Variants in ZNF629 observed in about 807,000 individuals in gnomAD.
The protein encoded by ZNF629 is zinc finger protein 629, also known as DNA-binding protein.
Under a neutral mutation model 59.7 loss-of-function variants are expected in ZNF629, and 9 were observed. That is an observed-to-expected ratio of 0.15 (90% CI 0.09 to 0.26). The LOEUF is 0.26. Ranked by LOEUF, ZNF629 falls within the 10% of genes least tolerant of loss-of-function variation. ZNF629 has a pLI of 1.00. For synonymous variants in ZNF629, 509 were observed against 498.9 expected, an observed-to-expected ratio of 1.02 and a Z score of -0.27; for missense variants, 853 against 1,165.4, an observed-to-expected ratio of 0.73 and a Z score of 3.90.
At position 30,783,532 on chromosome 16, in the gene ZNF629, C is replaced by G. The variant is rs373186496; in HGVS notation, c.796G>C (p.Glu266Gln). The change falls in exon 3 of 3, where the codon GAG becomes CAG. Residue 266 changes from glutamate to glutamine, a missense_variant. Around this residue, in one of 3 missense-constraint regions of ZNF629, gnomAD observed 201 missense variants for 536.5 expected, o/e 0.37. Coordinates refer to ENST00000262525, the MANE Select transcript of ZNF629 (RefSeq NM_001080417.3). ...HTGEKPYKCGECRRAFYRSSD... is the reference protein window; with the variant it reads ...HTGEKPYKCGQCRRAFYRSSD... ...CTGCGGTAGAAAGCCCGGCGGCACT[C>G]GCCGCACTTGTAGGGCTTCTCGCCG... 1 of 1,614,014 alleles carries G rather than the reference C, an allele frequency of 6.2e-7. No individual in the cohort carries two copies. Among genetic ancestry groups the G allele is most frequent in the South Asian group, 1.1e-5 (1 of 91,070 alleles).
At chr16:30,784,310 G>T in intron 2 of ZNF629, 56 bp from the exon 3 acceptor site, 1 of 1,557,866 alleles carries the variant, frequency 6.4e-7, no homozygotes, top group Non-Finnish European at 8.6e-7. Flanking sequence ...ACGGGGTTTG[G>T]TCTCTCTTCC....
At position 30,782,463 on chromosome 16, in the gene ZNF629, C is replaced by T. The variant is rs758603335; in HGVS notation, c.1865G>A (p.Arg622Lys). 3.8e-6 allele frequency: 6 copies of T among 1,568,086 alleles called. No individual in the cohort carries two copies. Among genetic ancestry groups the T allele is most frequent in the Non-Finnish European group, 3.5e-6 (4 of 1,156,024 alleles). Residue 622 changes from arginine (R) to lysine (K), a missense_variant, in exon 3 of 3, where the codon AGA (arginine) becomes AAA (lysine). Coordinates refer to ENST00000262525, the MANE Select transcript of ZNF629 (RefSeq NM_001080417.3). ...PQLRSPRLPFRGNSYPGAAEG... is the reference protein window; with the variant it reads ...PQLRSPRLPFKGNSYPGAAEG... ...CGCAGCCCCGGGGTAGGAATTCCCTCTGAAAGGGAGCCTTGGGGATCGTAA... is the reference window on the plus strand; with the variant it reads ...CGCAGCCCCGGGGTAGGAATTCCCTTTGAAAGGGAGCCTTGGGGATCGTAA...
Position 30,782,130 on chromosome 16 carries a change from T to C in ZNF629, c.2198A>G (p.Gln733Arg). 6.2e-7 allele frequency: 1 copy of C among 1,611,694 alleles called. No individual in the cohort carries two copies. The highest frequency in any genetic ancestry group is 8.5e-7 in the Non-Finnish European group (1 of 1,179,170). ...GCTCTTCCCGCCTGCATGGACTTTCTGGTGCAGCAGCAGCTCAGAGCTGAG... is the reference window on the plus strand; with the variant it reads ...GCTCTTCCCGCCTGCATGGACTTTCCGGTGCAGCAGCAGCTCAGAGCTGAG... ...FGLSSELLLH[Q>R]KVHAGGKSSQ... The change falls in exon 3 of 3, where the codon CAG (glutamine) becomes CGG (arginine). Residue 733 changes from glutamine (Q) to arginine (R), a missense_variant. Physicochemically the swap from Gln to Arg is conservative, Grantham distance 43. Transcript: ENST00000262525.
Position 30,784,271 on chromosome 16 carries a change from A to C in ZNF629, c.74-17T>G, listed in dbSNP as rs767711389. The stretch of plus-strand genomic sequence containing the variant: ...TCTCGGCACCTACAGAAAGAAAGGG[A>C]GTCTACAGCCCCCAGCCCCTTTCAG... On this transcript the variant is annotated splice_polypyrimidine_tract_variant and intron_variant, in intron 2 of 2. Coordinates refer to ENST00000262525, the MANE Select transcript of ZNF629 (RefSeq NM_001080417.3). 6.3e-7 allele frequency: 1 copy of C among 1,585,808 alleles called. No homozygotes were observed. The highest frequency in any genetic ancestry group is 2.3e-5 in the East Asian group (1 of 44,146).
In ZNF629 at chr16:30,782,040, AG is replaced by A; in HGVS notation, c.2287del (p.Leu763TrpfsTer74). On this transcript the variant is annotated frameshift_variant, in exon 3 of 3. Transcript: ENST00000262525. LOFTEE classifies it low-confidence loss of function (END_TRUNC). ...TGAGCAGCGGTAGGGTCTGGCCCCC[AG>A]GGGGCTCCTGAGATGCTCCAGGAGG... is the stretch of plus-strand genomic sequence containing the variant. ...SVLLEHLRSP[L>X]GARPYRCSDC... 1 of 1,573,264 alleles carries A rather than the reference AG, an allele frequency of 6.4e-7. No homozygotes were observed. The highest frequency in any genetic ancestry group is 8.6e-7 in the Non-Finnish European group (1 of 1,159,480).
Position 30,782,191 on chromosome 16 carries a change from G to T in ZNF629, c.2137C>A (p.Pro713Thr). The T allele has an allele frequency of 6.2e-7, 1 of 1,613,584 alleles. No homozygotes were observed. Among genetic ancestry groups the T allele is most frequent in the Non-Finnish European group, 8.5e-7 (1 of 1,179,880 alleles). The change falls in exon 3 of 3, where the codon CCC becomes ACC. Residue 713 changes from proline to threonine, a missense_variant. Pro to Thr is a conservative substitution (Grantham distance 38). This residue lies in a region of ZNF629 where 420 missense variants were observed against 435.6 expected (regional missense o/e 0.96). Transcript: ENST00000262525. ...AGPSPFLSGK[P>T]FKCPECKQSF... is the part of the protein sequence containing the mutation. ...TGTTTGCATTCAGGGCATTTAAAGG[G>T]CTTCCCACTTAAGAAGGGGCTGGGC...
chr16:30,787,001 C>G (rs2054340264), intron 1 of ZNF629, 27 bp downstream of exon 1: 6 of 152,502 alleles, frequency 3.9e-5, no homozygotes, highest in Admixed American at 3.9e-4. Flanking sequence ...AGGCCACCCC[C>G]CGGGAACCCA....
In ZNF629 at chr16:30,781,928, G is replaced by A. The variant is rs759328129; in HGVS notation, c.2400C>T (p.Asp800=). The A allele has an allele frequency of 1.3e-6, 2 of 1,536,236 alleles. No individual in the cohort carries two copies. Among genetic ancestry groups the A allele is most frequent in the Non-Finnish European group, 1.8e-6 (2 of 1,141,584 alleles). The change falls in exon 3 of 3, where the codon GAC becomes GAT. Residue 800 remains aspartate (D), a synonymous_variant. Transcript: ENST00000262525. ...ACAGGGTGACTGCCTCTGGAGGGGG[G>A]TCCTCGGGATTGGGGGGTTTTTCCT... is the stretch of plus-strand genomic sequence containing the variant. ...HTQEKPPNPE[D]PPPEAVTLST...
At position 30,782,891 on chromosome 16, in the gene ZNF629, C is replaced by T. The variant is rs774768531; in HGVS notation, c.1437G>A (p.Thr479=). The T allele has an allele frequency of 5.6e-6, 9 of 1,611,346 alleles. No homozygotes were observed. Among genetic ancestry groups the T allele is most frequent in the Non-Finnish European group, 7.6e-6 (9 of 1,179,080 alleles). ...ACTTGTAGGGCTTCTCGCCGGTGTG[C>T]GTGCGGCGGTGCTGGATAAGGTGGG... ...RSSHLIQHRR[T]HTGEKPYKCP... is the part of the protein sequence containing the mutation. The change falls in exon 3 of 3, where the codon ACG becomes ACA. Residue 479 remains threonine (T), a synonymous_variant. Coordinates refer to ENST00000262525, the MANE Select transcript of ZNF629 (RefSeq NM_001080417.3).
chr16:30,782,542 G>A lies in ZNF629; in HGVS notation c.1786C>T (p.Pro596Ser), dbSNP rs1354353244. Residue 596 changes from proline to serine, a missense_variant, in exon 3 of 3, where the codon CCC becomes TCC. By Grantham distance (74) the Pro-to-Ser change is moderately conservative. Around this residue, in one of 3 missense-constraint regions of ZNF629, gnomAD observed 420 missense variants for 435.6 expected, o/e 0.96. Transcript: ENST00000262525. The part of the protein sequence containing the change: ...QHQRIHIGEN[P>S]YKNADGLIAH... ...ATGAGGCCGTCTGCATTTTTGTAGG[G>A]GTTTTCTCCGATGTGGATCCTCTGA... 6.4e-7 allele frequency: 1 copy of A among 1,560,244 alleles called. No individual in the cohort carries two copies. The highest frequency in any genetic ancestry group is 1.2e-5 in the South Asian group (1 of 85,000).
Position 30,782,458 on chromosome 16 carries a change from T to G in ZNF629, c.1870A>C (p.Asn624His), listed in dbSNP as rs1307357653. ...CCCTCCGCAGCCCCGGGGTAGGAATTCCCTCTGAAAGGGAGCCTTGGGGAT... is the reference window on the plus strand; with the variant it reads ...CCCTCCGCAGCCCCGGGGTAGGAATGCCCTCTGAAAGGGAGCCTTGGGGAT... ...LRSPRLPFRG[N>H]SYPGAAEGRA... The change falls in exon 3 of 3, where the codon AAT (asparagine) becomes CAT (histidine). Residue 624 changes from asparagine to histidine, a missense_variant. Asn to His is a moderately conservative substitution (Grantham distance 68). Around this residue, in one of 3 missense-constraint regions of ZNF629, gnomAD observed 420 missense variants for 435.6 expected, o/e 0.96. Transcript: ENST00000262525. 1.9e-6 allele frequency: 3 copies of G among 1,567,902 alleles called. No individual in the cohort carries two copies. The South Asian group carries it at 3.5e-5, about 18-fold the overall frequency.
At chr16:30,784,327 C>G (rs536356375) in intron 2 of ZNF629, 73 bp from the exon 3 acceptor site, 2 of 1,548,036 alleles carry the variant, frequency 1.3e-6, no homozygotes, top group East Asian at 4.8e-5. Context: ...TTCCCTCCCC[C>G]GGGTGTCCCC....
At position 30,782,885 on chromosome 16, in the gene ZNF629, G is replaced by A. The variant is rs1321806008; in HGVS notation, c.1443C>T (p.Thr481=). ...CGGGGCACTTGTAGGGCTTCTCGCC[G>A]GTGTGCGTGCGGCGGTGCTGGATAA... ...SHLIQHRRTH[T]GEKPYKCPEC... The change falls in exon 3 of 3, where the codon ACC becomes ACT. Residue 481 remains threonine, a synonymous_variant. Coordinates refer to ENST00000262525, the MANE Select transcript of ZNF629 (RefSeq NM_001080417.3). The A allele has an allele frequency of 5.1e-6, 8 of 1,563,424 alleles. No homozygotes were observed. The highest frequency in any genetic ancestry group is 2.5e-5 in the East Asian group (1 of 40,236).
At chr16:30,784,547 G>A (rs975332163) in intron 1 of ZNF629, 32 bp from the exon 2 acceptor site, 11 of 1,458,742 alleles carry the variant, frequency 7.5e-6, no homozygotes, top group Non-Finnish European at 1.0e-5. Flanking sequence ...AGCGCACACT[G>A]GGAGCTGATT....
chr16:30,782,220 G>T lies in ZNF629; in HGVS notation c.2108C>A (p.Ala703Glu), dbSNP rs1220144722. ...PDYRIGLGEG[A>E]GPSPFLSGKP... Reference sequence around the variant, plus strand: ...CCCACTTAAGAAGGGGCTGGGCCCTGCGCCTTCCCCTAGGCCAATTCTATA... The same window carrying T: ...CCCACTTAAGAAGGGGCTGGGCCCTTCGCCTTCCCCTAGGCCAATTCTATA... Residue 703 changes from alanine (A) to glutamate (E), a missense_variant, in exon 3 of 3, where the codon GCA becomes GAA. Coordinates refer to ENST00000262525, the MANE Select transcript of ZNF629 (RefSeq NM_001080417.3). The T allele has an allele frequency of 6.2e-7, 1 of 1,613,714 alleles. No homozygotes were observed. Among genetic ancestry groups the T allele is most frequent in the South Asian group, 1.1e-5 (1 of 91,088 alleles).
rs1315744336 is a variant in ZNF629 at position 30,781,667 on chromosome 16, A to G, written c.*51T>C. On this transcript the variant is annotated 3_prime_UTR_variant, in exon 3 of 3. Transcript: ENST00000262525. ...CCATGTAATTTTTTTGGGGGAAAAA[A>G]TCCAGTGTTCCTCTCTGGAGAGAGC... is the stretch of plus-strand genomic sequence containing the variant. The G allele has an allele frequency of 2.0e-6, 3 of 1,472,290 alleles. No homozygotes were observed. Among genetic ancestry groups the G allele is most frequent in the Non-Finnish European group, 2.7e-6 (3 of 1,107,458 alleles). 91.2% of individuals were successfully genotyped at this position (1,472,290 alleles called of 1,614,324 possible). A position where few individuals can be genotyped will look rare whatever the true frequency, so the allele number is the denominator to read the frequency against.
rs759371861 is a variant in ZNF629 at position 30,783,358 on chromosome 16, C to G, written c.970G>C (p.Gly324Arg). ...GEKPYRCTEC[G>R]KSFIQSSELT... ...TCCGAGCTCTGGATGAAGCTCTTCC[C>G]GCACTCGGTGCAGCGGTATGGCTTC... Residue 324 changes from glycine to arginine, a missense_variant, in exon 3 of 3, where the codon GGG becomes CGG. Gly to Arg is a moderately radical substitution (Grantham distance 125, BLOSUM62 -2). Coordinates refer to ENST00000262525, the MANE Select transcript of ZNF629 (RefSeq NM_001080417.3). The G allele has an allele frequency of 1.2e-6, 2 of 1,613,400 alleles. No individual in the cohort carries two copies. The highest frequency in any genetic ancestry group is 1.7e-6 in the Non-Finnish European group (2 of 1,179,872).
rs1393586932 is a variant in ZNF629 at position 30,782,007 on chromosome 16, C to T, written c.2321G>A (p.Arg774Lys). 5 of 1,570,220 alleles carry T rather than the reference C, an allele frequency of 3.2e-6. No homozygotes were observed. The highest frequency in any genetic ancestry group is 4.3e-6 in the Non-Finnish European group (5 of 1,158,516). The change falls in exon 3 of 3, where the codon AGG (arginine) becomes AAG (lysine). Residue 774 changes from arginine to lysine, a missense_variant. Around this residue, in one of 3 missense-constraint regions of ZNF629, gnomAD observed 420 missense variants for 435.6 expected, o/e 0.96. Coordinates refer to ENST00000262525, the MANE Select transcript of ZNF629 (RefSeq NM_001080417.3). ...GGCCACGCGGTCGAGGAAGGAGGCC[C>T]TGCAATCTGAGCAGCGGTAGGGTCT... is the stretch of plus-strand genomic sequence containing the variant. ...GARPYRCSDC[R>K]ASFLDRVALT...
intron 2 of ZNF629, 33 bp from the exon 3 acceptor site, chr16:30,784,287 C>T: frequency 6.3e-7 from 1 of 1,575,626 alleles, no homozygotes; most frequent in Non-Finnish European, 8.6e-7. Context: ...CAGCCCCCAG[C>T]CCCTTTCAGA....
Sources: gnomAD v4.1 joint callset for allele counts on GRCh38, gnomAD v4.1.1 for gene constraint, gnomAD v4.1.1 regional missense constraint, MANE v1.5 for transcripts, NCBI Gene and HGNC (gene_info 2026-07-23, HGNC 2026-07-21) for gene names.